The following SEPTIN14 variants were observed in gnomAD, a reference collection of about 807,000 sequenced individuals.
SEPTIN14 encodes the protein septin-14.
SEPTIN14 carries 40 observed loss-of-function variants against 53.6 expected under a neutral mutation model. That is an observed-to-expected ratio of 0.75 (90% confidence interval 0.58 to 0.97). The LOEUF (loss-of-function observed/expected upper bound fraction) is 0.97, where lower values mean the gene tolerates loss of function less well. Ranked by LOEUF, SEPTIN14 falls within the 50% of genes least tolerant of loss-of-function variation. The pLI is 0.00. For missense variants in SEPTIN14, 471 were observed against 508.2 expected (o/e 0.93, Z 0.70); for synonymous variants, 138 against 166.8 (o/e 0.83, Z 1.33).
At chr7:55,852,908 A>G (rs1212224891) in intron 2 of SEPTIN14, among the ~76,000 whole-genome samples, 1 of 152,228 alleles carries the variant, frequency 6.6e-6, no homozygotes, top group Non-Finnish European at 1.5e-5. Flanking sequence ...AAAAGAAGAC[A>G]TACAAATGGC....
chr7:55,862,073 A>G, intron 1 of SEPTIN14, 62 bp from the exon 2 acceptor site: 1 of 949,914 alleles, frequency 1.1e-6, no homozygotes, highest in South Asian at 1.6e-5. Context: ...TTCTTACTAT[A>G]TAATTTAGAT....
intron 5 of SEPTIN14, among the ~76,000 whole-genome samples, chr7:55,840,225 A>G (rs1443432809): frequency 4.7e-5 from 7 of 150,478 alleles, no homozygotes; most frequent in African/African-American, 2.5e-5. Flanking sequence ...ACAGTGACTC[A>G]CGCCTGTAAT....
At chr7:55,825,838 C>T (rs929088511) in intron 6 of SEPTIN14, among the ~76,000 whole-genome samples, 1 of 152,024 alleles carries the variant, frequency 6.6e-6, no homozygotes, top group African/African-American at 2.4e-5. Context: ...CATGGTGGCT[C>T]ACTCCTGTAA....
chr7:55,801,007 A>C (rs1373094289), intron 9 of SEPTIN14, among the ~76,000 whole-genome samples: 2 of 152,170 alleles, frequency 1.3e-5, no homozygotes, highest in African/African-American at 4.8e-5. Context: ...ACATCTCTTG[A>C]CACAAATGAA....
At chr7:55,840,144 G>A (rs1187607611) in intron 5 of SEPTIN14, among the ~76,000 whole-genome samples, 2 of 146,962 alleles carry the variant, frequency 1.4e-5, no homozygotes, top group Non-Finnish European at 3.0e-5. Context: ...AAAAAAAAGT[G>A]AGACTGTTAC....
At chr7:55,823,985 A>C (rs1788941464) in intron 6 of SEPTIN14, among the ~76,000 whole-genome samples, 1 of 151,536 alleles carries the variant, frequency 6.6e-6, no homozygotes, top group Non-Finnish European at 1.5e-5. Context: ...CTGCCTCAAC[A>C]AGGTAAATTC....
rs561922987 is a variant in SEPTIN14, at chr7:55,795,559, C to T, written c.*354G>A. Reference sequence around the variant, plus strand: ...CTTGGCTCACTGCAACCTCCACCTCCGGGGTTCAAGTGATTCTCCTGCCTC... The same window carrying T: ...CTTGGCTCACTGCAACCTCCACCTCTGGGGTTCAAGTGATTCTCCTGCCTC... On this transcript the variant is annotated 3_prime_UTR_variant, in exon 10 of 10. Transcript: ENST00000388975. 131 of 254,784 alleles carry T rather than the reference C, an allele frequency of 5.1e-4. No homozygotes were observed. The highest frequency in any genetic ancestry group is 2.4e-3 in the African/African-American group (102 of 42,634). The allele number at this position is 254,784 out of a possible 1,614,324, so 15.8% of individuals were successfully genotyped here. A position where few individuals can be genotyped will look rare whatever the true frequency, so the allele number is the denominator to read the frequency against.
In SEPTIN14 at chr7:55,795,534, C is replaced by T. The variant is rs967960257; in HGVS notation, c.*379G>A. On this transcript the variant is annotated 3_prime_UTR_variant, in exon 10 of 10. Transcript: ENST00000388975. ...CCAGGCTGGAGTACAATGGTGAGAT[C>T]TTGGCTCACTGCAACCTCCACCTCC... is the stretch of plus-strand genomic sequence containing the variant. 2.0e-5 allele frequency: 4 copies of T among 203,662 alleles called. No individual in the cohort carries two copies. The highest frequency in any genetic ancestry group is 1.6e-4 in the East Asian group (1 of 6,260). 12.6% of individuals were successfully genotyped at this position (203,662 alleles called of 1,614,324 possible).
At position 55,843,130 on chromosome 7, in the gene SEPTIN14, TA is replaced by T. The variant is rs755952887; in HGVS notation, c.372-3del. ...ATGTAGTCAACTATTGGTTGGTAGC[TA>T]AAAAAAAATTTATACATTTAGCATA... On this transcript the variant is annotated splice_region_variant and splice_polypyrimidine_tract_variant and intron_variant, in intron 4 of 9. Transcript: ENST00000388975. 5.4e-4 allele frequency: 832 copies of T among 1,530,476 alleles called. No individual in the cohort carries two copies. The highest frequency in any genetic ancestry group is 1.2e-3 in the Admixed American group (55 of 44,276). 94.8% of individuals were successfully genotyped at this position (1,530,476 alleles called of 1,614,324 possible).
In SEPTIN14 at chr7:55,813,112, G is replaced by A. The variant is rs559759293; in HGVS notation, c.818-5854C>T. Among the ~76,000 whole-genome samples the A allele has an allele frequency of 2.8e-3, 422 of 152,196 alleles. 4 individuals are homozygous for A. The highest frequency in any genetic ancestry group is 9.4e-3 in the African/African-American group (392 of 41,540). Reference sequence around the variant, plus strand: ...CTACAGCTGCACACCACTATGCCCAGCTAATTTTTGTATTTTTAGTAGAGA... The same window carrying A: ...CTACAGCTGCACACCACTATGCCCAACTAATTTTTGTATTTTTAGTAGAGA... On this transcript the variant is annotated intron_variant, in intron 7 of 9. Transcript: ENST00000388975.
chr7:55,819,954 C>T (rs1335629707), intron 6 of SEPTIN14, among the ~76,000 whole-genome samples: 1 of 151,628 alleles, frequency 6.6e-6, no homozygotes, highest in East Asian at 1.9e-4. Context: ...TTAATGGATA[C>T]ACAATATAAA....
chr7:55,808,957 G>GT (rs2115969118), intron 7 of SEPTIN14, among the ~76,000 whole-genome samples: 1 of 152,230 alleles, frequency 6.6e-6, no homozygotes, highest in African/African-American at 2.4e-5. Flanking sequence ...TAAAGACACA[G>GT]GCACGTGTAT....
chr7:55,860,191 A>C (rs1789719832), intron 2 of SEPTIN14, among the ~76,000 whole-genome samples: 1 of 152,112 alleles, frequency 6.6e-6, no homozygotes, highest in African/African-American at 2.4e-5. Context: ...AAAAAAAAAA[A>C]AAATACAATT....
At chr7:55,804,537 G>C (rs556761635) in intron 9 of SEPTIN14, among the ~76,000 whole-genome samples, 1 of 152,184 alleles carries the variant, frequency 6.6e-6, no homozygotes, top group African/African-American at 2.4e-5. Context: ...GGGATTATAG[G>C]TGTGAGCCAC....
intron 9 of SEPTIN14, among the ~76,000 whole-genome samples, chr7:55,801,235 T>C (rs960113607): frequency 2.0e-5 from 3 of 150,690 alleles, no homozygotes; most frequent in Admixed American, 6.6e-5. Context: ...AGAGAAACAA[T>C]AGAAGAAAAT....
chr7:55,795,463 T>C lies in SEPTIN14; in HGVS notation c.*450A>G, dbSNP rs35211144. The C allele has an allele frequency of 0.14, 10,952 of 76,884 alleles. 1,037 individuals carry two copies. The highest frequency in any genetic ancestry group is 0.31 in the African/African-American group (8,530 of 27,272). The allele number at this position is 76,884 out of a possible 1,614,324, so 4.8% of individuals were successfully genotyped here. ...GGATCTGCCTTCTGGGAGTTCATAC[T>C]TTTTTTTTTTTTTTTTTTTTTGAGG... On this transcript the variant is annotated 3_prime_UTR_variant, in exon 10 of 10. Coordinates refer to ENST00000388975, the MANE Select transcript of SEPTIN14 (RefSeq NM_207366.3).
chr7:55,806,791 A>G (rs1788616833), intron 8 of SEPTIN14, among the ~76,000 whole-genome samples: 1 of 152,106 alleles, frequency 6.6e-6, no homozygotes, highest in Non-Finnish European at 1.5e-5. Flanking sequence ...ATACAGATAC[A>G]TTTCATATAA....
chr7:55,838,506 TTCCCTCCC>T (rs1252375745), intron 5 of SEPTIN14, among the ~76,000 whole-genome samples: 1 of 142,432 alleles, frequency 7.0e-6, no homozygotes, highest in Non-Finnish European at 1.6e-5. Flanking sequence ...CTTTTCTTCC[TTCCCTCCC>T]TCCCTCCCTC....
At chr7:55,835,847 A>C (rs1789196774) in intron 5 of SEPTIN14, among the ~76,000 whole-genome samples, 2 of 152,088 alleles carry the variant, frequency 1.3e-5, no homozygotes, top group Admixed American at 1.3e-4. Flanking sequence ...GGTTCAAGCA[A>C]GTCTCCTGCT....
Sources: gnomAD v4.1 joint callset for allele counts (sites outside exome capture counted in the v4.1 genomes callset) on GRCh38, gnomAD v4.1.1 for gene constraint, MANE v1.5 for transcripts, NCBI Gene and HGNC (gene_info 2026-07-23, HGNC 2026-07-21) for gene names.